SLC2A14: variants seen among roughly 807,000 people sequenced by gnomAD.
SLC2A14 encodes solute carrier family 2, facilitated glucose transporter member 14.
A neutral mutation model predicts 43.0 loss-of-function variants in SLC2A14; 13 were observed. The observed-to-expected ratio is 0.30, with a 90% confidence interval of 0.20 to 0.48. SLC2A14 has a LOEUF of 0.48. Ranked by LOEUF, SLC2A14 falls within the 20% of genes least tolerant of loss-of-function variation. The pLI is 0.99. For missense variants in SLC2A14, 428 were observed against 620.4 expected, an observed-to-expected ratio of 0.69 and a Z score of 3.29; for synonymous variants, 190 against 233.8, an observed-to-expected ratio of 0.81 and a Z score of 1.71.
At chr12:7,845,734 G>A (rs965853007) in intron 2 of SLC2A14, among the ~76,000 whole-genome samples, 86 of 140,342 alleles carry the variant, frequency 6.1e-4, no homozygotes, top group African/African-American at 2.0e-3. Context: ...AGCTGAGATC[G>A]CGCCACTGCA....
At chr12:7,888,846 A>G (rs1945731590) in intron 1 of SLC2A14, among the ~76,000 whole-genome samples, 1 of 151,890 alleles carries the variant, frequency 6.6e-6, no homozygotes, top group African/African-American at 2.4e-5. Flanking sequence ...AATATAGACT[A>G]ATTAGAAGAG....
intron 1 of SLC2A14, among the ~76,000 whole-genome samples, chr12:7,889,343 C>T (rs1202920890): frequency 6.7e-6 from 1 of 150,374 alleles, no homozygotes; most frequent in Non-Finnish European, 1.5e-5. Context: ...AAGCAATTCT[C>T]CTGACTCAGC....
chr12:7,830,032 G>A (rs1175385668), intron 4 of SLC2A14, 26 bp from the exon 5 acceptor site: 9 of 1,612,836 alleles, frequency 5.6e-6, no homozygotes, highest in East Asian at 2.2e-5. Context: ...AAGACAACAT[G>A]GAATTAGCAA....
intron 2 of SLC2A14, among the ~76,000 whole-genome samples, chr12:7,855,624 C>A (rs969454281): frequency 1.4e-5 from 2 of 142,212 alleles, no homozygotes; most frequent in Non-Finnish European, 3.1e-5. Flanking sequence ...TCCACAAATG[C>A]TCCTTTTTTT....
chr12:7,815,256 C>CA (rs889960960), intron 10 of SLC2A14, among the ~76,000 whole-genome samples: 3,161 of 143,482 alleles, frequency 0.022, 90 homozygotes, highest in African/African-American at 0.074. Context: ...ACTAAAAATA[C>CA]AAAAAAAAAA....
upstream of SLC2A14, among the ~76,000 whole-genome samples, chr12:7,873,696 C>T (rs1945355460): frequency 6.6e-6 from 1 of 151,592 alleles, no homozygotes; most frequent in Non-Finnish European, 1.5e-5. Flanking sequence ...TTATTTCAGA[C>T]TCAGGAGCTC....
intron 1 of SLC2A14, among the ~76,000 whole-genome samples, chr12:7,885,460 C>T (rs546206560): frequency 6.6e-6 from 1 of 150,486 alleles, no homozygotes; most frequent in African/African-American, 2.4e-5. Flanking sequence ...AGCGAAACTT[C>T]GTCTCAAAAA....
intron 1 of SLC2A14, chr12:7,871,170 C>T (rs1216739188): frequency 2.1e-5 from 27 of 1,262,086 alleles, no homozygotes; most frequent in South Asian, 1.0e-4. Context: ...TGATCCAAAA[C>T]GCCTTCACCT....
At chr12:7,852,614 A>G (rs1160238453) in intron 2 of SLC2A14, among the ~76,000 whole-genome samples, 1 of 152,160 alleles carries the variant, frequency 6.6e-6, no homozygotes, top group Non-Finnish European at 1.5e-5. Flanking sequence ...CATGCATTAC[A>G]GAATGGTTAG....
At chr12:7,885,122 A>G (rs937804375) in intron 1 of SLC2A14, among the ~76,000 whole-genome samples, 1 of 152,178 alleles carries the variant, frequency 6.6e-6, no homozygotes, top group African/African-American at 2.4e-5. Flanking sequence ...ACAAATCCAA[A>G]GCTGAACCAT....
At position 7,840,224 on chromosome 12, in the gene SLC2A14, G is replaced by A. The variant is rs35110659; in HGVS notation, c.19-7410C>T. Among the ~76,000 whole-genome samples the A allele has an allele frequency of 7.0e-5, 9 of 128,868 alleles. 1 individual carries two copies. In the East Asian group the frequency reaches 1.5e-3, roughly 22 times the overall value. The allele number at this position is 128,868 out of a possible 152,430, so 84.5% of individuals were successfully genotyped here. A position where few individuals can be genotyped will look rare whatever the true frequency, so the allele number is the denominator to read the frequency against. On this transcript the variant is annotated intron_variant, in intron 2 of 10. Coordinates refer to ENST00000431042, the MANE Select transcript of SLC2A14 (RefSeq NM_001286234.2). ...TCCACCATGTGAGGACACATCACTC[G>A]TCCCCCTAATGAGGACGGAGCAACA...
At chr12:7,877,740 A>G (rs1945487377), upstream of SLC2A14, among the ~76,000 whole-genome samples, 1 of 151,808 alleles carries the variant, frequency 6.6e-6, no homozygotes, top group South Asian at 2.1e-4. Context: ...ATTGTTTTAC[A>G]TTTTTGTTTT....
At chr12:7,859,704 T>G (rs1482469343) in intron 2 of SLC2A14, among the ~76,000 whole-genome samples, 2 of 152,080 alleles carry the variant, frequency 1.3e-5, no homozygotes. Context: ...ACCCAGGAGT[T>G]CAGTAGATTA....
chr12:7,885,267 C>T (rs1299127602), intron 1 of SLC2A14, among the ~76,000 whole-genome samples: 2 of 152,144 alleles, frequency 1.3e-5, no homozygotes, highest in African/African-American at 4.8e-5. Context: ...GCATTTGAAA[C>T]CAGCCTGGCC....
intron 2 of SLC2A14, among the ~76,000 whole-genome samples, chr12:7,868,769 AG>A (rs1256319058): frequency 6.6e-6 from 1 of 152,166 alleles, no homozygotes; most frequent in Non-Finnish European, 1.5e-5. Flanking sequence ...GCATTTTGGG[AG>A]GCCGAGGCAG....
At chr12:7,851,907 G>A (rs1029701161) in intron 2 of SLC2A14, among the ~76,000 whole-genome samples, 4 of 152,182 alleles carry the variant, frequency 2.6e-5, no homozygotes, top group African/African-American at 7.2e-5. Flanking sequence ...CGTGGAGGAC[G>A]TGCAGAGACA....
chr12:7,870,398 C>T (rs776696580), intron 1 of SLC2A14, among the ~76,000 whole-genome samples: 2 of 152,154 alleles, frequency 1.3e-5, no homozygotes, highest in Non-Finnish European at 2.9e-5. Context: ...GCCTAAACTG[C>T]TTCAGTGAGC....
rs1431342284 is a variant in SLC2A14 at position 7,816,091 on chromosome 12, T to TTA, written c.1276-1558_1276-1557insTA. ...AATTTCTTGAATTTTTATTTTTTAT[T>TTA]TTTTTTATTTTTTTTATTTTTTTTG... On this transcript the variant is annotated intron_variant, in intron 10 of 10. Coordinates refer to ENST00000431042, the MANE Select transcript of SLC2A14 (RefSeq NM_001286234.2). 1.4e-3 allele frequency among the ~76,000 whole-genome samples: 60 copies of TTA among 43,668 alleles called. 19 individuals are homozygous for TTA. The highest frequency in any genetic ancestry group is 6.3e-3 in the African/African-American group (58 of 9,234). 28.6% of individuals were successfully genotyped at this position (43,668 alleles called of 152,430 possible).
intron 1 of SLC2A14, among the ~76,000 whole-genome samples, chr12:7,890,151 A>T (rs1945750862): frequency 6.6e-6 from 1 of 152,038 alleles, no homozygotes; most frequent in South Asian, 2.1e-4. Flanking sequence ...GCAGCCCAGT[A>T]GGTTTCAGCC....
Sources: allele counts gnomAD v4.1 joint callset (sites outside exome capture counted in the v4.1 genomes callset), GRCh38; gene constraint gnomAD v4.1.1; transcripts MANE v1.5; gene names NCBI Gene and HGNC (gene_info 2026-07-23, HGNC 2026-07-21).